Variants in ABHD12 observed in about 807,000 individuals in gnomAD.
ABHD12 encodes the protein lysophosphatidylserine lipase ABHD12.
A neutral mutation model predicts 58.3 loss-of-function variants in ABHD12; 43 were observed. That is an observed-to-expected ratio of 0.74 (90% CI 0.58 to 0.95). The LOEUF is 0.95. ABHD12 is among the 40% of genes least tolerant of loss of function. ABHD12 has a pLI of 0.00. For synonymous variants in ABHD12, 219 were observed against 211.2 expected, an observed-to-expected ratio of 1.04 and a Z score of -0.32; for missense variants, 539 against 537.2, an observed-to-expected ratio of 1.00 and a Z score of -0.03.
chr20:25,300,896 G>C lies in ABHD12; in HGVS notation c.1158-12C>G. The C allele has an allele frequency of 6.2e-7, 1 of 1,613,318 alleles. No homozygotes were observed. The highest frequency in any genetic ancestry group is 8.5e-7 in the Non-Finnish European group (1 of 1,179,406). Reference sequence around the variant, plus strand: ...TCCCCAGGAATTCCCTAGACCACAGGACAATCAGGAGCCAATCATTTGAGC... The same window carrying C: ...TCCCCAGGAATTCCCTAGACCACAGCACAATCAGGAGCCAATCATTTGAGC... On this transcript the variant is annotated splice_polypyrimidine_tract_variant and intron_variant, in intron 12 of 12. Coordinates refer to ENST00000339157, the MANE Select transcript of ABHD12 (RefSeq NM_001042472.3).
At chr20:25,387,397 C>A (rs766589826) in intron 1 of ABHD12, among the ~76,000 whole-genome samples, 14 of 151,304 alleles carry the variant, frequency 9.3e-5, no homozygotes, top group Non-Finnish European at 1.6e-4. Context: ...CCCATCTCTA[C>A]AAAAAATACA....
intron 1 of ABHD12, chr20:25,368,556 C>G: frequency 7.1e-7 from 1 of 1,411,456 alleles, no homozygotes; most frequent in Non-Finnish European, 1.0e-6. Context: ...CCACCAGTGC[C>G]ATTATGGGTG....
intron 1 of ABHD12, among the ~76,000 whole-genome samples, chr20:25,356,214 G>A (rs1364726407): frequency 6.6e-6 from 1 of 152,220 alleles, no homozygotes; most frequent in Non-Finnish European, 1.5e-5. Context: ...AGACATTTAT[G>A]GTAGCTCCTC....
chr20:25,390,415 T>C lies in ABHD12; in HGVS notation c.191+98A>G. On this transcript the variant is annotated intron_variant, in intron 1 of 12. Transcript: ENST00000339157. ...CCGCGGATCGGGCGGACGGCCACTC[T>C]GGGAGGGGCTGGGAGGTACCGCGGC... is the stretch of plus-strand genomic sequence containing the variant. The C allele has an allele frequency of 5.0e-6, 6 of 1,188,164 alleles. No homozygotes were observed. In the South Asian group the frequency reaches 1.4e-4, roughly 27 times the overall value. 73.6% of individuals were successfully genotyped at this position (1,188,164 alleles called of 1,614,324 possible).
chr20:25,307,012 C>A, intron 9 of ABHD12, 97 bp from the exon 10 acceptor site: 1 of 911,318 alleles, frequency 1.1e-6, no homozygotes, highest in African/African-American at 1.6e-5. Context: ...ATCTATAAGG[C>A]GTTGCCCATA....
chr20:25,300,097 CAT>C (rs1432217401), downstream of ABHD12: 2 of 761,590 alleles, frequency 2.6e-6, no homozygotes, highest in South Asian at 1.2e-4. Flanking sequence ...TAGAAAATTT[CAT>C]AGTCTGAGGC....
At chr20:25,367,043 G>A (rs966141943) in intron 1 of ABHD12, among the ~76,000 whole-genome samples, 4 of 152,132 alleles carry the variant, frequency 2.6e-5, no homozygotes, top group Non-Finnish European at 5.9e-5. Context: ...TATTGAACAA[G>A]AGAGAAACGG....
chr20:25,388,793 T>TTC (rs2090130000), intron 1 of ABHD12, among the ~76,000 whole-genome samples: 1 of 148,330 alleles, frequency 6.7e-6, no homozygotes, highest in Non-Finnish European at 1.5e-5. Flanking sequence ...TTTTCTTTTT[T>TTC]TTTTTTTTTT....
intron 10 of ABHD12, 80 bp downstream of exon 10, chr20:25,306,753 A>G: frequency 1.0e-6 from 1 of 968,168 alleles, no homozygotes; most frequent in Admixed American, 2.0e-5. Flanking sequence ...CTATTTGATT[A>G]CTGTGACTAA....
chr20:25,303,576 C>G lies in ABHD12; in HGVS notation c.1003G>C (p.Val335Leu). 1 of 1,613,844 alleles carries G rather than the reference C, an allele frequency of 6.2e-7. No individual in the cohort carries two copies. The highest frequency in any genetic ancestry group is 1.1e-5 in the South Asian group (1 of 91,080). The change falls in exon 11 of 13, where the codon GTG becomes CTG. Residue 335 changes from valine (V) to leucine (L), a missense_variant. Coordinates refer to ENST00000339157, the MANE Select transcript of ABHD12 (RefSeq NM_001042472.3). ...TTTCTGCCAAGCTGGAAGGGCACCA[C>G]CGGGTCGTCCTCAGCGTGCAGGATG... Reference protein sequence around the residue: ...LLILHAEDDPVVPFQLGRKLY... With the variant: ...LLILHAEDDPLVPFQLGRKLY...
chr20:25,348,825 G>A (rs142711075), intron 1 of ABHD12, among the ~76,000 whole-genome samples: 1,906 of 152,204 alleles, frequency 0.013, 43 homozygotes, highest in African/African-American at 0.041. Context: ...GCTCACGTCT[G>A]TAATCCCAGC....
intron 2 of ABHD12, among the ~76,000 whole-genome samples, chr20:25,332,035 A>G (rs2089285420): frequency 1.3e-5 from 2 of 152,198 alleles, no homozygotes; most frequent in South Asian, 4.1e-4. Flanking sequence ...GTCAAGACCC[A>G]TCAGTGTGCT....
At chr20:25,348,650 G>A (rs994046116) in intron 1 of ABHD12, among the ~76,000 whole-genome samples, 1 of 151,796 alleles carries the variant, frequency 6.6e-6, no homozygotes, top group Non-Finnish European at 1.5e-5. Context: ...AGCAAGTAGC[G>A]ACAACTCACT....
intron 1 of ABHD12, chr20:25,390,224 A>C: frequency 7.5e-5 from 21 of 280,164 alleles, no homozygotes; most frequent in East Asian, 2.1e-4. Flanking sequence ...TTCCCCGGGA[A>C]AGGGTCGGGG....
At chr20:25,357,932 G>A (rs1192869165) in intron 1 of ABHD12, among the ~76,000 whole-genome samples, 1 of 152,138 alleles carries the variant, frequency 6.6e-6, no homozygotes, top group Non-Finnish European at 1.5e-5. Context: ...GATTGTTTGA[G>A]CCTGGGAGGT....
In ABHD12 at chr20:25,308,622, G is replaced by T. The variant is rs1035812923; in HGVS notation, c.750-128C>A. Reference sequence around the variant, plus strand: ...AGCTACTGGAGTTTCAGGACAGAGTGGGGGAAATGGAGATCCCTCTAGCAC... The same window carrying T: ...AGCTACTGGAGTTTCAGGACAGAGTTGGGGAAATGGAGATCCCTCTAGCAC... On this transcript the variant is annotated intron_variant, in intron 7 of 12. Coordinates refer to ENST00000339157, the MANE Select transcript of ABHD12 (RefSeq NM_001042472.3). The T allele has an allele frequency of 9.3e-6, 11 of 1,176,956 alleles. No homozygotes were observed. The Admixed American group carries it at 1.2e-4, about 13-fold the overall frequency. The allele number at this position is 1,176,956 out of a possible 1,614,324, so 72.9% of individuals were successfully genotyped here.
rs374976555 is a variant in ABHD12 at position 25,329,853 on chromosome 20, G to A, written c.317-6423C>T. On this transcript the variant is annotated intron_variant, in intron 2 of 12. Transcript: ENST00000339157. ...CCTTCCGTATGAAAAAAGGGGATAA[G>A]AAAAGAAAGGTAACAGGAGTCAACA... Among the ~76,000 whole-genome samples the A allele has an allele frequency of 2.0e-5, 3 of 152,286 alleles. No individual in the cohort carries two copies. In the East Asian group the frequency reaches 5.8e-4, roughly 29 times the overall value.
rs541915351 is a variant in ABHD12 at position 25,304,270 on chromosome 20, C to T, written c.951-642G>A. ...GGAGCAGGACCCGGTGGGGAGCCCC[C>T]GCCCTGTCTGTGCTGCTGGCAGGAG... is the stretch of plus-strand genomic sequence containing the variant. On this transcript the variant is annotated intron_variant, in intron 10 of 12. Transcript: ENST00000339157. Among the ~76,000 whole-genome samples, 27 of 152,344 alleles carry T rather than the reference C, an allele frequency of 1.8e-4. 1 individual carries two copies. The South Asian group carries it at 4.1e-3, about 23-fold the overall frequency.
intron 2 of ABHD12, among the ~76,000 whole-genome samples, chr20:25,328,936 C>A (rs2089220816): frequency 6.6e-6 from 1 of 152,204 alleles, no homozygotes. Context: ...CTGTAGGAAC[C>A]CCGTGGCCAG....
Sources: gnomAD v4.1 joint callset for allele counts (sites outside exome capture counted in the v4.1 genomes callset) on GRCh38, gnomAD v4.1.1 for gene constraint, MANE v1.5 for transcripts, NCBI Gene and HGNC (gene_info 2026-07-23, HGNC 2026-07-21) for gene names.